The following CSMD1 variants were observed in gnomAD, a reference collection of about 807,000 sequenced individuals.
CSMD1 encodes the protein CUB and sushi domain-containing protein 1.
CSMD1 carries 213 observed loss-of-function variants against 417.5 expected under a neutral mutation model. The ratio of observed to expected loss-of-function variants is 0.51; its 90% CI spans 0.46 to 0.57. The LOEUF (loss-of-function observed/expected upper bound fraction) is 0.57. Among genes scored for constraint, CSMD1 ranks in the 20% least tolerant of loss-of-function variants. The pLI is 0.00. For missense variants in CSMD1, 6,923 were observed against 4,529.7 expected (o/e 1.53, Z -15.17); for synonymous variants, 2,862 against 1,736.8 (o/e 1.65, Z -16.11).
intron 31 of CSMD1, among the ~76,000 whole-genome samples, chr8:3,202,510 G>A (rs912753738): frequency 1.0e-3 from 158 of 152,156 alleles, no homozygotes; most frequent in Non-Finnish European, 1.8e-3. Context: ...CTGATGCTGT[G>A]TATTCAGATT....
At chr8:4,102,769 G>A (rs1156603073) in intron 3 of CSMD1, among the ~76,000 whole-genome samples, 1 of 152,074 alleles carries the variant, frequency 6.6e-6, no homozygotes, top group East Asian at 1.9e-4. Context: ...ATTAGTCCAG[G>A]ACAACAAAAG....
intron 10 of CSMD1, among the ~76,000 whole-genome samples, chr8:3,567,685 C>T (rs1298910148): frequency 6.6e-6 from 1 of 152,102 alleles, no homozygotes; most frequent in Admixed American, 6.6e-5. Flanking sequence ...TGCAACTGTA[C>T]AGAAAGACTG....
chr8:4,818,831 G>A (rs1466543150), intron 1 of CSMD1, among the ~76,000 whole-genome samples: 7 of 152,136 alleles, frequency 4.6e-5, no homozygotes, highest in Non-Finnish European at 4.4e-5. Context: ...ATGGAATTAT[G>A]CATTATCATT....
rs184748223 is a variant in CSMD1, at chr8:4,130,696, G to T, written c.416-98597C>A. ...ATAATGTAATTTTAGTGGAATTTTG[G>T]AGGGGAGTAGATAACACATGAAAGT... On this transcript the variant is annotated intron_variant, in intron 3 of 69. Transcript: ENST00000635120. 9.5e-4 allele frequency among the ~76,000 whole-genome samples: 142 copies of T among 150,206 alleles called. 1 individual carries two copies. The highest frequency in any genetic ancestry group is 2.3e-3 in the Admixed American group (35 of 14,962).
chr8:3,207,843 T>G (rs1797391376), intron 30 of CSMD1, among the ~76,000 whole-genome samples: 1 of 152,166 alleles, frequency 6.6e-6, no homozygotes, highest in Admixed American at 6.5e-5. Context: ...CACTTCTATT[T>G]AGGTTTTTAT....
At chr8:4,593,139 G>A (rs1800073353) in intron 2 of CSMD1, among the ~76,000 whole-genome samples, 2 of 152,152 alleles carry the variant, frequency 1.3e-5, no homozygotes, top group African/African-American at 4.8e-5. Flanking sequence ...AATGGAGGAT[G>A]CTGAGGTCTC....
intron 57 of CSMD1, among the ~76,000 whole-genome samples, chr8:2,969,422 C>G (rs917926931): frequency 3.9e-5 from 6 of 152,086 alleles, no homozygotes; most frequent in Non-Finnish European, 8.8e-5. Context: ...GATTAAAAGA[C>G]TAGATGGCTA....
At chr8:4,732,009 G>C (rs1349749838) in intron 1 of CSMD1, among the ~76,000 whole-genome samples, 5 of 152,156 alleles carry the variant, frequency 3.3e-5, no homozygotes, top group Non-Finnish European at 5.9e-5. Flanking sequence ...AAAACGAGAA[G>C]ACTGAGGAGC....
intron 5 of CSMD1, among the ~76,000 whole-genome samples, chr8:3,770,020 G>A (rs1798485271): frequency 6.6e-6 from 1 of 151,936 alleles, no homozygotes; most frequent in Non-Finnish European, 1.5e-5. Context: ...TTTTAGATCC[G>A]GCCAATTTTC....
At chr8:3,776,629 A>C (rs1798899661) in intron 5 of CSMD1, among the ~76,000 whole-genome samples, 1 of 152,082 alleles carries the variant, frequency 6.6e-6, no homozygotes, top group Non-Finnish European at 1.5e-5. Context: ...CTCCATATCC[A>C]GCCATCACCA....
chr8:4,433,500 T>G (rs1797985593), intron 2 of CSMD1, among the ~76,000 whole-genome samples: 1 of 152,148 alleles, frequency 6.6e-6, no homozygotes, highest in Admixed American at 6.5e-5. Context: ...AGTGTTTCCC[T>G]CATTCCCAAG....
intron 50 of CSMD1, among the ~76,000 whole-genome samples, chr8:3,041,787 T>A (rs1811115892): frequency 6.7e-6 from 1 of 148,910 alleles, no homozygotes; most frequent in Non-Finnish European, 1.5e-5. Flanking sequence ...TTTGCCAGCC[T>A]GTCACAGCTT....
chr8:3,475,277 C>A (rs1270305817), intron 11 of CSMD1, among the ~76,000 whole-genome samples: 1 of 152,192 alleles, frequency 6.6e-6, no homozygotes, highest in Non-Finnish European at 1.5e-5. Flanking sequence ...CTTTCAAATT[C>A]TGAGCTCTCT....
intron 5 of CSMD1, among the ~76,000 whole-genome samples, chr8:3,947,131 T>C (rs1199202490): frequency 1.3e-5 from 2 of 152,208 alleles, no homozygotes; most frequent in South Asian, 2.1e-4. Context: ...GATTCAGTCT[T>C]TCATCATTAA....
At chr8:4,819,542 C>G (rs1051103384) in intron 1 of CSMD1, among the ~76,000 whole-genome samples, 5 of 152,100 alleles carry the variant, frequency 3.3e-5, no homozygotes, top group African/African-American at 1.2e-4. Context: ...GTGTTAGAAT[C>G]TCAAATTTTG....
Position 3,189,024 on chromosome 8 carries a change from A to G in CSMD1, c.5399-13T>C. 1 of 1,605,530 alleles carries G rather than the reference A, an allele frequency of 6.2e-7. No homozygotes were observed. Among genetic ancestry groups the G allele is most frequent in the South Asian group, 1.1e-5 (1 of 89,498 alleles). ...CCACTGCAGGGTACTAAAAGACACA[A>G]CCATATGTCATGAAATAAAGTGCTG... is the stretch of plus-strand genomic sequence containing the variant. On this transcript the variant is annotated splice_polypyrimidine_tract_variant and intron_variant, in intron 34 of 69. Coordinates refer to ENST00000635120, the MANE Select transcript of CSMD1 (RefSeq NM_033225.6).
chr8:4,458,484 G>T (rs1435555301), intron 2 of CSMD1, among the ~76,000 whole-genome samples: 1 of 152,132 alleles, frequency 6.6e-6, no homozygotes, highest in Non-Finnish European at 1.5e-5. Context: ...TGCTAAGCAT[G>T]CATATTATGA....
At chr8:2,969,229 T>C (rs1455345505) in intron 57 of CSMD1, among the ~76,000 whole-genome samples, 1 of 152,204 alleles carries the variant, frequency 6.6e-6, no homozygotes, top group Admixed American at 6.5e-5. Context: ...TGAGTTAGCT[T>C]GTAGCTTATG....
At chr8:3,972,300 A>C (rs534308889) in intron 5 of CSMD1, among the ~76,000 whole-genome samples, 13 of 152,342 alleles carry the variant, frequency 8.5e-5, no homozygotes, top group African/African-American at 3.1e-4. Flanking sequence ...AGGTACCAAC[A>C]CAATGTTAGA....
Sources: gnomAD v4.1 joint callset for allele counts (sites outside exome capture counted in the v4.1 genomes callset) on GRCh38, gnomAD v4.1.1 for gene constraint, MANE v1.5 for transcripts, NCBI Gene and HGNC (gene_info 2026-07-23, HGNC 2026-07-21) for gene names.